Variants in OPHN1 observed in about 807,000 individuals in gnomAD.
The protein encoded by OPHN1 is oligophrenin 1.
In OPHN1, 11 loss-of-function variants were observed where a neutral mutation model predicts 60.7. The ratio of observed to expected loss-of-function variants is 0.18; its 90% CI spans 0.11 to 0.30. The LOEUF is 0.30. Ranked by LOEUF, OPHN1 falls within the 10% of genes least tolerant of loss-of-function variation. The probability of loss-of-function intolerance (pLI) is 1.00; values close to 1 mark genes in which losing one functional copy is unlikely to be tolerated. For synonymous variants in OPHN1, 226 were observed against 222.6 expected (o/e 1.02, Z -0.14); for missense variants, 449 against 611.0 (o/e 0.73, Z 2.80).
At chrX:68,125,308 C>A (rs1486273533) in intron 15 of OPHN1, among the ~76,000 whole-genome samples, 1 of 110,757 alleles carries the variant, frequency 9.0e-6, no homozygotes, top group African/African-American at 3.3e-5. Flanking sequence ...AAACCAAATC[C>A]AAAATTAGTA....
At chrX:68,227,111 G>T (rs762111178) in intron 6 of OPHN1, among the ~76,000 whole-genome samples, 1 of 111,142 alleles carries the variant, frequency 9.0e-6, no homozygotes, top group East Asian at 2.8e-4. Flanking sequence ...GCAATCCTAG[G>T]CTCTGATAAA....
At chrX:68,307,254 G>A (rs2078149406) in intron 2 of OPHN1, among the ~76,000 whole-genome samples, 2 of 107,656 alleles carry the variant, frequency 1.9e-5, no homozygotes, top group Non-Finnish European at 3.8e-5. Flanking sequence ...AGCAGCCTAG[G>A]CAACATTGTG....
chrX:68,296,676 A>G (rs1451742844), intron 3 of OPHN1, among the ~76,000 whole-genome samples: 3 of 107,983 alleles, frequency 2.8e-5, no homozygotes, highest in Non-Finnish European at 3.8e-5. Flanking sequence ...AAAAGAAGCA[A>G]AAGACTGGGT....
At chrX:68,271,193 A>G (rs2147588405) in intron 5 of OPHN1, among the ~76,000 whole-genome samples, 1 of 110,695 alleles carries the variant, frequency 9.0e-6, no homozygotes, top group African/African-American at 3.3e-5. Context: ...AAGTACTCAA[A>G]TAAGGAGAAA....
At chrX:68,363,509 A>G (rs945490475) in intron 2 of OPHN1, among the ~76,000 whole-genome samples, 1 of 109,580 alleles carries the variant, frequency 9.1e-6, no homozygotes, top group Non-Finnish European at 1.9e-5. Context: ...ATGGGGTTTT[A>G]CCATGTTGGC....
At chrX:68,343,204 G>A (rs1324933791) in intron 2 of OPHN1, among the ~76,000 whole-genome samples, 2 of 106,731 alleles carry the variant, frequency 1.9e-5, no homozygotes, top group Non-Finnish European at 1.9e-5. Flanking sequence ...AACCCAGGAG[G>A]TGGAGGTTAC....
intron 15 of OPHN1, among the ~76,000 whole-genome samples, chrX:68,138,116 C>T (rs917070050): frequency 1.1e-4 from 12 of 111,588 alleles, no homozygotes; most frequent in Admixed American, 2.9e-4. Flanking sequence ...CTACACAGTC[C>T]CCAGGCATGC....
chrX:68,391,778 G>C (rs892007368), intron 2 of OPHN1, among the ~76,000 whole-genome samples: 3 of 111,448 alleles, frequency 2.7e-5, no homozygotes, highest in Admixed American at 9.6e-5. Context: ...TGTAATGATG[G>C]AAGCAGAGAT....
At chrX:68,155,488 C>T (rs2077305475) in intron 15 of OPHN1, among the ~76,000 whole-genome samples, 1 of 112,103 alleles carries the variant, frequency 8.9e-6, no homozygotes, top group Admixed American at 9.4e-5. Flanking sequence ...TCCCCTTTGC[C>T]TTCCGCCATG....
Position 68,052,553 on chromosome X carries a change from G to A in OPHN1, c.2362C>T (p.Arg788Trp), listed in dbSNP as rs148208753. ...SRTRFFETAS[R>W]KTGSSQGRLP... ...TCCATATCTTACCTTCCTGTTTTCC[G>A]GGAAGCTGTTTCAAAAAACCTGGTC... Residue 788 changes from arginine to tryptophan, a missense_variant, in exon 23 of 25, where the codon CGG becomes TGG. Arg to Trp is a moderately radical substitution (Grantham distance 101, BLOSUM62 -3). Around this residue, in one of 4 missense-constraint regions of OPHN1, gnomAD observed 184 missense variants for 160.5 expected, o/e 1.15. Coordinates refer to ENST00000355520, the MANE Select transcript of OPHN1 (RefSeq NM_002547.3). The A allele has an allele frequency of 1.2e-4, 150 of 1,204,966 alleles. 1 individual carries two copies. In the Middle Eastern group the frequency reaches 2.1e-3, roughly 17 times the overall value.
rs73528472 is a variant in OPHN1 at position 68,197,390 on chromosome X, T to C, written c.1026-126A>G. 2,591 of 503,917 alleles carry C rather than the reference T, an allele frequency of 5.1e-3. 54 individuals carry two copies. The African/African-American group carries it at 0.054, about 11-fold the overall frequency. The allele number at this position is 503,917 out of a possible 1,213,427, so 41.5% of individuals were successfully genotyped here. A position where few individuals can be genotyped will look rare whatever the true frequency, so the allele number is the denominator to read the frequency against. On this transcript the variant is annotated intron_variant, in intron 11 of 24. Coordinates refer to ENST00000355520, the MANE Select transcript of OPHN1 (RefSeq NM_002547.3). ...GAACAAGCATAGGCTTACAGAATACTAATTTTTCAAAATCTCTTTTACTCA... is the reference window on the plus strand; with the variant it reads ...GAACAAGCATAGGCTTACAGAATACCAATTTTTCAAAATCTCTTTTACTCA...
chrX:68,146,820 G>T (rs1209161732), intron 15 of OPHN1, among the ~76,000 whole-genome samples: 1 of 73,851 alleles, frequency 1.4e-5, no homozygotes, highest in Non-Finnish European at 2.3e-5. Context: ...GTGTTTGTGT[G>T]TGTCTGTGTG....
chrX:68,074,805 G>C lies in OPHN1; in HGVS notation c.1687-1506C>G, dbSNP rs563843012. ...TTTTACACAACATAGAAGCATGTCT[G>C]TCATGTTCACTGCTCTATCTCCACC... On this transcript the variant is annotated intron_variant, in intron 19 of 24. Coordinates refer to ENST00000355520, the MANE Select transcript of OPHN1 (RefSeq NM_002547.3). Among the ~76,000 whole-genome samples the C allele has an allele frequency of 8.1e-5, 9 of 111,468 alleles. No homozygotes were observed. In the South Asian group the frequency reaches 3.5e-3, roughly 44 times the overall value.
chrX:68,359,459 C>T (rs1215386329), intron 2 of OPHN1, among the ~76,000 whole-genome samples: 9 of 110,863 alleles, frequency 8.1e-5, no homozygotes, highest in Non-Finnish European at 1.3e-4. Flanking sequence ...TTCCCTGGGG[C>T]GTGAGCCTCC....
intron 2 of OPHN1, among the ~76,000 whole-genome samples, chrX:68,379,021 G>T (rs751655727): frequency 1.4e-3 from 159 of 110,482 alleles, no homozygotes; most frequent in Admixed American, 4.9e-3. Flanking sequence ...AATTACCTTG[G>T]GCAGTATGGC....
At chrX:68,203,421 T>G (rs1272369509) in intron 10 of OPHN1, among the ~76,000 whole-genome samples, 1 of 111,547 alleles carries the variant, frequency 9.0e-6, no homozygotes, top group Non-Finnish European at 1.9e-5. Context: ...TACCCAATAC[T>G]TCTTGCTCAT....
chrX:68,307,006 G>A (rs2078148471), intron 2 of OPHN1, among the ~76,000 whole-genome samples: 2 of 111,686 alleles, frequency 1.8e-5, no homozygotes, highest in South Asian at 3.7e-4. Flanking sequence ...TTACAGGTAT[G>A]AGCCACTGCA....
intron 2 of OPHN1, among the ~76,000 whole-genome samples, chrX:68,307,609 G>A (rs942036254): frequency 9.0e-6 from 1 of 111,118 alleles, no homozygotes; most frequent in African/African-American, 3.3e-5. Flanking sequence ...ATCAACCCAG[G>A]GAGTGGAAAA....
intron 15 of OPHN1, among the ~76,000 whole-genome samples, chrX:68,172,695 T>G (rs1329424824): frequency 3.6e-5 from 4 of 111,538 alleles, no homozygotes; most frequent in East Asian, 2.8e-4. Flanking sequence ...CCTAGATATA[T>G]CTGCAAAAGA....
Sources: allele counts gnomAD v4.1 joint callset (sites outside exome capture counted in the v4.1 genomes callset), GRCh38; gene constraint gnomAD v4.1.1; regional missense constraint gnomAD v4.1.1; transcripts MANE v1.5; gene names NCBI Gene and HGNC (gene_info 2026-07-23, HGNC 2026-07-21).